TPP2: variants seen among roughly 807,000 people sequenced by gnomAD.
TPP2 encodes the protein tripeptidyl-peptidase 2.
A neutral mutation model predicts 155.9 loss-of-function variants in TPP2; 34 were observed. That is an observed-to-expected ratio of 0.22 (90% CI 0.17 to 0.29). The LOEUF (loss-of-function observed/expected upper bound fraction) is 0.29. TPP2 is among the 10% of genes least tolerant of loss of function. The pLI is 1.00. For missense variants in TPP2, 1,028 were observed against 1,522.3 expected (o/e 0.68, Z 5.40); for synonymous variants, 510 against 529.4 (o/e 0.96, Z 0.50).
At chr13:102,644,374 A>G (rs1423626025) in intron 17 of TPP2, among the ~76,000 whole-genome samples, 183 bp from the exon 18 acceptor site, 1 of 152,230 alleles carries the variant, frequency 6.6e-6, no homozygotes, top group Non-Finnish European at 1.5e-5. Flanking sequence ...ATATTTAAAT[A>G]CACCATATCT....
intron 10 of TPP2, among the ~76,000 whole-genome samples, 170 bp downstream of exon 10, chr13:102,630,365 TAAATG>T (rs1881939181): frequency 6.6e-6 from 1 of 152,194 alleles, no homozygotes; most frequent in Admixed American, 6.5e-5. Flanking sequence ...ATAAATAAAA[TAAATG>T]AAATAGTTTC....
chr13:102,635,568 T>G lies in TPP2; in HGVS notation c.1394-19T>G, dbSNP rs373749065. ...AGATAGTGAGTGCTACACTACTTGT[T>G]TTTGTTTCTTAATTTTAGGTCTGAA... On this transcript the variant is annotated intron_variant, in intron 11 of 29. Transcript: ENST00000376052. 1 of 1,594,378 alleles carries G rather than the reference T, an allele frequency of 6.3e-7. No individual in the cohort carries two copies. The highest frequency in any genetic ancestry group is 8.6e-7 in the Non-Finnish European group (1 of 1,166,024).
At chr13:102,663,117 GATTT>G (rs932912491) in intron 25 of TPP2, among the ~76,000 whole-genome samples, 20 of 92,502 alleles carry the variant, frequency 2.2e-4, no homozygotes, top group Non-Finnish European at 3.3e-4. Context: ...TTTTCAGTTT[GATTT>G]ATTTATTTAT....
intron 17 of TPP2, 138 bp from the exon 18 acceptor site, chr13:102,644,419 G>A: frequency 1.6e-6 from 1 of 622,466 alleles, no homozygotes; most frequent in Non-Finnish European, 2.8e-6. Context: ...ACTTAGCATA[G>A]CTGTTAAAAT....
intron 9 of TPP2, 95 bp downstream of exon 9, chr13:102,629,704 G>T (rs1433247869): frequency 2.1e-6 from 3 of 1,434,376 alleles, no homozygotes; most frequent in Non-Finnish European, 2.7e-6. Flanking sequence ...CTACACGTAA[G>T]ACACTGTACA....
Position 102,616,457 on chromosome 13 carries a change from G to T in TPP2, c.452G>T (p.Arg151Ile). 1 of 1,612,626 alleles carries T rather than the reference G, an allele frequency of 6.2e-7. No individual in the cohort carries two copies. The highest frequency in any genetic ancestry group is 1.7e-4 in the Middle Eastern group (1 of 6,056). Residue 151 changes from arginine (R) to isoleucine (I), a missense_variant, in exon 4 of 30, where the codon AGA becomes ATA. Arg to Ile is a moderately conservative substitution (Grantham distance 97, BLOSUM62 -3). This residue lies in a region of TPP2 where 300 missense variants were observed against 398.3 expected (regional missense o/e 0.75). Coordinates refer to ENST00000376052, the MANE Select transcript of TPP2 (RefSeq NM_001330588.2). ...AGAGTGGCCCTTGCAGAAGCCTGTA[G>T]AAAACAGGAAGAATTTGATGTTGCC... ...VHRVALAEACRKQEEFDVANN... is the reference protein window; with the variant it reads ...VHRVALAEACIKQEEFDVANN...
At chr13:102,652,963 G>T (rs1024809785) in intron 24 of TPP2, among the ~76,000 whole-genome samples, 1 of 152,100 alleles carries the variant, frequency 6.6e-6, no homozygotes, top group Non-Finnish European at 1.5e-5. Context: ...AAAATAGAAG[G>T]CACTTATCAC....
At chr13:102,626,606 T>C (rs927097606) in intron 6 of TPP2, among the ~76,000 whole-genome samples, 3 of 152,334 alleles carry the variant, frequency 2.0e-5, no homozygotes, top group South Asian at 2.1e-4. Context: ...CACACTTGCT[T>C]TGTCAGCCTT....
At chr13:102,654,937 C>G in intron 24 of TPP2, 1 of 489,300 alleles carries the variant, frequency 2.0e-6, no homozygotes, top group South Asian at 1.5e-5. Context: ...AGGAGCAGGA[C>G]AGGCAGCTGG....
chr13:102,663,151 AATTT>A (rs71125092), intron 25 of TPP2, among the ~76,000 whole-genome samples: 73,198 of 149,478 alleles, frequency 0.49, 18,225 homozygotes, highest in African/African-American at 0.59. Context: ...TTAATTAATT[AATTT>A]ATTTATTTTT....
intron 27 of TPP2, among the ~76,000 whole-genome samples, chr13:102,672,187 A>C (rs777929540): frequency 2.9e-4 from 44 of 152,152 alleles, no homozygotes; most frequent in Non-Finnish European, 4.1e-4. Context: ...CAGGCTAGGG[A>C]CTGCCGGCAC....
chr13:102,650,271 T>C (rs1883397432), intron 23 of TPP2, among the ~76,000 whole-genome samples: 1 of 152,172 alleles, frequency 6.6e-6, no homozygotes, highest in African/African-American at 2.4e-5. Context: ...TTCTCTGTAC[T>C]ATTACTTCTT....
chr13:102,649,414 T>C lies in TPP2; in HGVS notation c.2880T>C (p.Pro960=). Residue 960 remains proline, a synonymous_variant, in exon 23 of 30, where the codon CCT becomes CCC. Coordinates refer to ENST00000376052, the MANE Select transcript of TPP2 (RefSeq NM_001330588.2). ...TTTGAATTCTCTTGTTTAGAATACC[T>C]AAAGGGGCAGGACCTGGATGCTATC... ...FVTSLPDDKI[P]KGAGPGCYLA... is the part of the protein sequence containing the mutation. 6.2e-7 allele frequency: 1 copy of C among 1,611,230 alleles called. No homozygotes were observed. The highest frequency in any genetic ancestry group is 8.5e-7 in the Non-Finnish European group (1 of 1,179,106).
chr13:102,631,494 A>G (rs1882015558), intron 10 of TPP2: 1 of 152,252 alleles, frequency 6.6e-6, no homozygotes, highest in African/African-American at 2.4e-5. Context: ...TGTTCAGTTA[A>G]TAAAAGTGTA....
At position 102,679,467 on chromosome 13, in the gene TPP2, T is replaced by G. The variant is rs189036195; in HGVS notation, c.*1151T>G. Reference sequence around the variant, plus strand: ...GTCCCTTATCTAATGGCAAATTGTGTGTATGTATGATTTTTTTATCTTGTT... The same window carrying G: ...GTCCCTTATCTAATGGCAAATTGTGGGTATGTATGATTTTTTTATCTTGTT... On this transcript the variant is annotated 3_prime_UTR_variant, in exon 30 of 30. Coordinates refer to ENST00000376052, the MANE Select transcript of TPP2 (RefSeq NM_001330588.2). The G allele has an allele frequency of 1.3e-5, 2 of 152,312 alleles. No homozygotes were observed. The highest frequency in any genetic ancestry group is 6.5e-5 in the Admixed American group (1 of 15,298). 9.4% of individuals were successfully genotyped at this position (152,312 alleles called of 1,614,324 possible). A position where few individuals can be genotyped will look rare whatever the true frequency, so the allele number is the denominator to read the frequency against.
At chr13:102,633,323 G>A (rs940498495) in intron 10 of TPP2, among the ~76,000 whole-genome samples, 8 of 152,162 alleles carry the variant, frequency 5.3e-5, no homozygotes, top group South Asian at 2.1e-4. Context: ...GTTAGTCTGC[G>A]TTAAGATGTG....
chr13:102,601,295 T>A (rs900929781), intron 1 of TPP2, among the ~76,000 whole-genome samples: 1 of 152,360 alleles, frequency 6.6e-6, no homozygotes, highest in East Asian at 1.9e-4. Context: ...TTTCAGTACC[T>A]TTCCTGAAAT....
intron 21 of TPP2, 100 bp downstream of exon 21, chr13:102,647,444 A>C (rs1041661286): frequency 3.6e-5 from 52 of 1,428,970 alleles, no homozygotes; most frequent in Non-Finnish European, 4.8e-5. Context: ...TTTAAAAAAA[A>C]CAAAAATTAT....
chr13:102,664,197 A>G (rs571607823), intron 26 of TPP2, among the ~76,000 whole-genome samples: 1 of 152,304 alleles, frequency 6.6e-6, no homozygotes, highest in African/African-American at 2.4e-5. Context: ...GTGCTGTCCT[A>G]ATCAGTTGAA....
Sources: gnomAD v4.1 joint callset for allele counts (sites outside exome capture counted in the v4.1 genomes callset) on GRCh38, gnomAD v4.1.1 for gene constraint, gnomAD v4.1.1 regional missense constraint, MANE v1.5 for transcripts, NCBI Gene and HGNC (gene_info 2026-07-23, HGNC 2026-07-21) for gene names.